Variants in FAF1 observed in about 807,000 individuals in gnomAD.
FAF1 encodes the protein Fas associated factor 1.
Under a neutral mutation model 92.5 loss-of-function variants are expected in FAF1, and 25 were observed. That is an observed-to-expected ratio of 0.27 (90% CI 0.20 to 0.38). The LOEUF is 0.38. FAF1 is among the 10% of genes least tolerant of loss of function. The pLI is 1.00. For missense variants in FAF1, 636 were observed against 793.3 expected, an observed-to-expected ratio of 0.80 and a Z score of 2.38; for synonymous variants, 234 against 273.2, an observed-to-expected ratio of 0.86 and a Z score of 1.42.
At position 50,619,439 on chromosome 1, in the gene FAF1, A is replaced by G. The variant is rs147781350; in HGVS notation, c.745-23223T>C. On this transcript the variant is annotated intron_variant, in intron 8 of 18. Coordinates refer to ENST00000396153, the MANE Select transcript of FAF1 (RefSeq NM_007051.3). ...TATAAGGCTGGTCTATTTGAAACACATTCCCTCAGCATTTGCTTGTCTGAG... is the reference window on the plus strand; with the variant it reads ...TATAAGGCTGGTCTATTTGAAACACGTTCCCTCAGCATTTGCTTGTCTGAG... 2.7e-3 allele frequency among the ~76,000 whole-genome samples: 409 copies of G among 152,340 alleles called. 5 individuals are homozygous for G. The highest frequency in any genetic ancestry group is 9.8e-4 in the Non-Finnish European group (67 of 68,028).
At chr1:50,650,176 C>T (rs966101636) in intron 8 of FAF1, among the ~76,000 whole-genome samples, 6 of 147,986 alleles carry the variant, frequency 4.1e-5, no homozygotes, top group African/African-American at 5.0e-5. Context: ...CCCAGCTACT[C>T]GGGAGGCTGA....
chr1:50,942,213 C>T (rs1189383318), intron 1 of FAF1, among the ~76,000 whole-genome samples: 3 of 152,106 alleles, frequency 2.0e-5, no homozygotes, highest in Non-Finnish European at 2.9e-5. Flanking sequence ...AGAAGGAAAA[C>T]GTTCAGGCCA....
intron 7 of FAF1, among the ~76,000 whole-genome samples, chr1:50,677,974 T>C (rs888141756): frequency 1.3e-5 from 2 of 152,152 alleles, no homozygotes; most frequent in Non-Finnish European, 2.9e-5. Context: ...GTATTCTATT[T>C]ACAAAAATGG....
chr1:50,928,054 G>C (rs1271863859), intron 1 of FAF1, among the ~76,000 whole-genome samples: 1 of 152,200 alleles, frequency 6.6e-6, no homozygotes, highest in Non-Finnish European at 1.5e-5. Context: ...GACAGACTGT[G>C]ATTTTGCTGA....
chr1:50,738,924 T>C lies in FAF1; in HGVS notation c.490A>G (p.Asn164Asp), dbSNP rs767156293. 6.2e-7 allele frequency: 1 copy of C among 1,608,860 alleles called. No homozygotes were observed. Among genetic ancestry groups the C allele is most frequent in the South Asian group, 1.1e-5 (1 of 90,382 alleles). ...GGTGTAAGGACATAAAGACTGTTGT[T>C]TTTTGGCAAGTGTAGAGATTTTAGG... ...TVLKSLHLPKNNSLYVLTPDL... is the reference protein window; with the variant it reads ...TVLKSLHLPKDNSLYVLTPDL... The change falls in exon 6 of 19, where the codon AAC becomes GAC. Residue 164 changes from asparagine to aspartate, a missense_variant. Physicochemically the swap from Asn to Asp is conservative, Grantham distance 23. Transcript: ENST00000396153.
chr1:50,931,019 G>C (rs144037980), intron 1 of FAF1, among the ~76,000 whole-genome samples: 67 of 152,208 alleles, frequency 4.4e-4, no homozygotes, highest in African/African-American at 1.5e-3. Context: ...TATATTGTTT[G>C]TCCATCCTTT....
rs140522171 is a variant in FAF1 at position 50,630,407 on chromosome 1, T to C, written c.744+25035A>G. On this transcript the variant is annotated intron_variant, in intron 8 of 18. Coordinates refer to ENST00000396153, the MANE Select transcript of FAF1 (RefSeq NM_007051.3). ...AGATAAATATCATAGGTAAGAACTA[T>C]GATAGCATTTTTGAACTTCTGGATT... 4.4e-3 allele frequency among the ~76,000 whole-genome samples: 668 copies of C among 152,348 alleles called. 8 individuals are homozygous for C. Among genetic ancestry groups the C allele is most frequent in the African/African-American group, 0.014 (602 of 41,574 alleles).
rs1645306640 is a variant in FAF1 at position 50,960,213 on chromosome 1, G to A, written c.-402C>T. ...GCGAGCGAGCGGGCGGGCGAACGCC[G>A]CGGCCGCCTCCGCCTCCTCCGCTTC... On this transcript the variant is annotated 5_prime_UTR_variant, in exon 1 of 19. Transcript: ENST00000396153. The A allele has an allele frequency of 3.0e-6, 1 of 330,104 alleles. No homozygotes were observed. The highest frequency in any genetic ancestry group is 5.5e-6 in the Non-Finnish European group (1 of 180,842). 20.4% of individuals were successfully genotyped at this position (330,104 alleles called of 1,614,324 possible). A position where few individuals can be genotyped will look rare whatever the true frequency, so the allele number is the denominator to read the frequency against.
At chr1:50,497,540 CTTTTTTTTTTTTTT>C (rs61258960) in intron 15 of FAF1, among the ~76,000 whole-genome samples, 5 of 100,506 alleles carry the variant, frequency 5.0e-5, no homozygotes, top group African/African-American at 7.2e-5. Flanking sequence ...ATTCAAAACT[CTTTTTTTTTTTTTT>C]TTTTTTTTTT....
intron 1 of FAF1, among the ~76,000 whole-genome samples, chr1:50,954,492 G>A (rs1557603160): frequency 2.0e-5 from 3 of 150,860 alleles, no homozygotes; most frequent in Middle Eastern, 6.8e-3. Flanking sequence ...CCTGGAAAAC[G>A]TAACAAGACC....
chr1:50,814,637 AAAAC>A (rs1435281504), intron 2 of FAF1, among the ~76,000 whole-genome samples: 9 of 152,234 alleles, frequency 5.9e-5, no homozygotes, highest in Non-Finnish European at 1.0e-4. Flanking sequence ...ATACTAACTC[AAAAC>A]AAACAAAAAC....
At chr1:50,460,557 G>A (rs966853335) in intron 18 of FAF1, among the ~76,000 whole-genome samples, 32 of 152,124 alleles carry the variant, frequency 2.1e-4, no homozygotes, top group African/African-American at 7.5e-4. Context: ...ATATATTAAT[G>A]TGTCTTTACA....
chr1:50,740,809 A>C (rs1340854388), intron 5 of FAF1, among the ~76,000 whole-genome samples: 4 of 152,148 alleles, frequency 2.6e-5, no homozygotes, highest in Non-Finnish European at 5.9e-5. Flanking sequence ...TTGATGAGTT[A>C]TCTCTATAGA....
chr1:50,853,499 T>C (rs1312741159), intron 2 of FAF1, among the ~76,000 whole-genome samples: 1 of 152,098 alleles, frequency 6.6e-6, no homozygotes, highest in East Asian at 1.9e-4. Context: ...ATAAGCACTC[T>C]GAATAGAGTC....
chr1:50,739,455 TACAC>T (rs1272474491), intron 5 of FAF1, among the ~76,000 whole-genome samples: 1 of 152,118 alleles, frequency 6.6e-6, no homozygotes, highest in Non-Finnish European at 1.5e-5. Context: ...TATACACACA[TACAC>T]ATATATAAAA....
chr1:50,704,560 T>C (rs1032188829), intron 7 of FAF1, among the ~76,000 whole-genome samples: 1 of 152,184 alleles, frequency 6.6e-6, no homozygotes, highest in African/African-American at 2.4e-5. Context: ...CAAAACATTA[T>C]TTCTACCATA....
intron 12 of FAF1, among the ~76,000 whole-genome samples, chr1:50,573,866 G>A (rs544068635): frequency 5.9e-5 from 9 of 151,800 alleles, no homozygotes; most frequent in Admixed American, 3.3e-4. Flanking sequence ...AGTGGTTCAC[G>A]CCTGTAATTT....
chr1:50,637,329 T>C (rs563424652), intron 8 of FAF1, among the ~76,000 whole-genome samples: 18 of 149,612 alleles, frequency 1.2e-4, no homozygotes, highest in Admixed American at 2.7e-4. Flanking sequence ...GGCAGGCACC[T>C]GTAATCCCAG....
chr1:50,738,975 CA>C, intron 5 of FAF1, 21 bp from the exon 6 acceptor site: 2 of 1,410,192 alleles, frequency 1.4e-6, no homozygotes, highest in South Asian at 1.3e-5. Flanking sequence ...AAAAACACAG[CA>C]AAAAATGAAT....
Sources: allele counts gnomAD v4.1 joint callset (sites outside exome capture counted in the v4.1 genomes callset), GRCh38; gene constraint gnomAD v4.1.1; transcripts MANE v1.5; gene names NCBI Gene and HGNC (gene_info 2026-07-23, HGNC 2026-07-21).